Variants in DLG2 observed in about 807,000 individuals in gnomAD.
DLG2 encodes the protein discs large MAGUK scaffold protein 2, also known as disks large homolog 2.
A neutral mutation model predicts 132.5 loss-of-function variants in DLG2; 45 were observed. The ratio of observed to expected loss-of-function variants is 0.34; its 90% CI spans 0.27 to 0.44. The LOEUF (loss-of-function observed/expected upper bound fraction) is 0.44, where lower values mean the gene tolerates loss of function less well. DLG2 is among the 20% of genes least tolerant of loss of function. The pLI, the probability that DLG2 is intolerant of heterozygous loss-of-function variation, is 1.00. For synonymous variants in DLG2, 424 were observed against 419.6 expected, an observed-to-expected ratio of 1.01 and a Z score of -0.13; for missense variants, 1,045 against 1,196.9, an observed-to-expected ratio of 0.87 and a Z score of 1.87.
intron 7 of DLG2, among the ~76,000 whole-genome samples, chr11:84,308,948 C>T (rs545993075): frequency 6.6e-6 from 1 of 152,228 alleles, no homozygotes; most frequent in East Asian, 1.9e-4. Flanking sequence ...CTGAGGGAGC[C>T]GGCTCCGGCC....
intron 21 of DLG2, among the ~76,000 whole-genome samples, chr11:83,516,522 A>G (rs1323748455): frequency 6.6e-6 from 1 of 152,216 alleles, no homozygotes; most frequent in Non-Finnish European, 1.5e-5. Context: ...TAGCCCATTT[A>G]CATTTAAGGT....
chr11:84,013,866 CAAAAAAAAAAAAA>C (rs5793100), intron 11 of DLG2, among the ~76,000 whole-genome samples: 3 of 64,078 alleles, frequency 4.7e-5, no homozygotes, highest in African/African-American at 1.7e-4. Flanking sequence ...GACTGCGTCT[CAAAAAAAAAAAAA>C]AAAAAAAAAA....
intron 14 of DLG2, among the ~76,000 whole-genome samples, chr11:83,933,448 C>T (rs551629628): frequency 3.3e-5 from 5 of 152,312 alleles, no homozygotes; most frequent in Admixed American, 6.5e-5. Flanking sequence ...TAGATAATGA[C>T]GTTGTAGCTC....
chr11:84,532,358 A>G (rs1298919743), intron 7 of DLG2, among the ~76,000 whole-genome samples: 2 of 152,082 alleles, frequency 1.3e-5, no homozygotes, highest in Admixed American at 1.3e-4. Flanking sequence ...CATATTATCA[A>G]TTCTAGTAGA....
At chr11:85,041,333 G>A (rs959951189) in intron 6 of DLG2, among the ~76,000 whole-genome samples, 5 of 151,856 alleles carry the variant, frequency 3.3e-5, no homozygotes, top group African/African-American at 1.2e-4. Flanking sequence ...CCTCTTTATT[G>A]CTGGATTTTA....
intron 16 of DLG2, among the ~76,000 whole-genome samples, chr11:83,858,849 G>T (rs1352176756): frequency 6.6e-6 from 1 of 152,138 alleles, no homozygotes; most frequent in African/African-American, 2.4e-5. Flanking sequence ...CAAATTATTT[G>T]CTAGCATTGA....
chr11:84,798,346 G>A (rs2074938622), intron 6 of DLG2, among the ~76,000 whole-genome samples: 1 of 152,080 alleles, frequency 6.6e-6, no homozygotes, highest in African/African-American at 2.4e-5. Flanking sequence ...AAATTTTCCT[G>A]GTATTCTATT....
intron 10 of DLG2, among the ~76,000 whole-genome samples, chr11:84,071,660 T>G (rs944497100): frequency 6.6e-6 from 1 of 152,192 alleles, no homozygotes; most frequent in Non-Finnish European, 1.5e-5. Context: ...TATTCCATCT[T>G]CCAACTTATT....
intron 9 of DLG2, among the ~76,000 whole-genome samples, chr11:84,152,236 G>A (rs1382162012): frequency 6.6e-6 from 1 of 152,076 alleles, no homozygotes; most frequent in African/African-American, 2.4e-5. Context: ...TGTTTGGTAT[G>A]TATATATTTA....
chr11:85,076,737 C>T (rs986346258), intron 6 of DLG2, among the ~76,000 whole-genome samples: 1 of 152,026 alleles, frequency 6.6e-6, no homozygotes, highest in South Asian at 2.1e-4. Context: ...AGGCCTCATT[C>T]AAACCACAGA....
chr11:85,061,761 G>A, intron 6 of DLG2, among the ~76,000 whole-genome samples: 1 of 151,660 alleles, frequency 6.6e-6, no homozygotes, highest in East Asian at 1.9e-4. Flanking sequence ...TTTTATTTTA[G>A]TGAATAGAAA....
At chr11:85,245,963 T>C (rs1399827493) in intron 4 of DLG2, among the ~76,000 whole-genome samples, 5 of 151,990 alleles carry the variant, frequency 3.3e-5, no homozygotes, top group Admixed American at 6.6e-5. Context: ...TCAATTGTCA[T>C]ATTCTCTGTG....
At position 85,494,447 on chromosome 11, in the gene DLG2, T is replaced by C. The variant is rs560394385; in HGVS notation, c.40+104210A>G. Among the ~76,000 whole-genome samples the C allele has an allele frequency of 2.0e-3, 298 of 152,142 alleles. 1 individual carries two copies. Among genetic ancestry groups the C allele is most frequent in the Non-Finnish European group, 3.5e-3 (239 of 68,024 alleles). On this transcript the variant is annotated intron_variant, in intron 3 of 27. Coordinates refer to ENST00000376104, the MANE Select transcript of DLG2 (RefSeq NM_001142699.3). ...GTAACTGGGAAAAACAAAACCACTA[T>C]CTTTATTTCATCAATTGCTTCAGAT...
At chr11:83,516,162 G>A (rs2095285647) in intron 21 of DLG2, among the ~76,000 whole-genome samples, 1 of 152,160 alleles carries the variant, frequency 6.6e-6, no homozygotes, top group Admixed American at 6.6e-5. Flanking sequence ...GGGAGTGTAA[G>A]TCTCTTTGTA....
At chr11:83,755,974 C>T (rs2093628076) in intron 18 of DLG2, among the ~76,000 whole-genome samples, 1 of 151,284 alleles carries the variant, frequency 6.6e-6, no homozygotes, top group African/African-American at 2.5e-5. Context: ...TTGAAAATGT[C>T]AAGGTCCTAC....
chr11:84,932,820 A>ATG (rs1491218841), intron 6 of DLG2, among the ~76,000 whole-genome samples: 1 of 152,140 alleles, frequency 6.6e-6, no homozygotes, highest in Non-Finnish European at 1.5e-5. Flanking sequence ...TGCGATAAAC[A>ATG]TGTGTGTGCA....
At chr11:84,480,539 A>G (rs1480135408) in intron 7 of DLG2, among the ~76,000 whole-genome samples, 1 of 150,198 alleles carries the variant, frequency 6.7e-6, no homozygotes, top group Non-Finnish European at 1.5e-5. Flanking sequence ...AAGTTTTACA[A>G]AAAAAGAAAA....
At chr11:83,775,231 T>G (rs929525694) in intron 18 of DLG2, among the ~76,000 whole-genome samples, 6 of 152,204 alleles carry the variant, frequency 3.9e-5, no homozygotes, top group African/African-American at 1.4e-4. Flanking sequence ...CATCTTTTTC[T>G]TTTGGTTTCT....
intron 15 of DLG2, among the ~76,000 whole-genome samples, chr11:83,900,919 G>T (rs759541109): frequency 5.3e-5 from 8 of 152,134 alleles, no homozygotes; most frequent in Non-Finnish European, 8.8e-5. Context: ...CTGGGAAGGA[G>T]GCTGTACCCT....
Sources: gnomAD v4.1 joint callset for allele counts (sites outside exome capture counted in the v4.1 genomes callset) on GRCh38, gnomAD v4.1.1 for gene constraint, MANE v1.5 for transcripts, NCBI Gene and HGNC (gene_info 2026-07-23, HGNC 2026-07-21) for gene names.